Variants in METTL24 observed in about 807,000 individuals in gnomAD.
The protein encoded by METTL24 is probable methyltransferase-like protein 24.
In METTL24, 29 loss-of-function variants were observed where a neutral mutation model predicts 32.7. The observed-to-expected ratio is 0.89, with a 90% CI of 0.66 to 1.21. The LOEUF (loss-of-function observed/expected upper bound fraction) is 1.21, where lower values mean the gene tolerates loss of function less well. METTL24 is among the 50% of genes most tolerant of loss of function. The probability of loss-of-function intolerance (pLI) is 0.00; values close to 1 mark genes in which losing one functional copy is unlikely to be tolerated. For synonymous variants in METTL24, 163 were observed against 179.5 expected (o/e 0.91, Z 0.73); for missense variants, 439 against 468.1 (o/e 0.94, Z 0.57).
chr6:110,295,794 A>AAGGAAGGAAGGAAGGAAGG lies in METTL24; in HGVS notation c.786+3127_786+3128insCCTTCCTTCCTTCCTTCCT, dbSNP rs1771403129. Among the ~76,000 whole-genome samples the AAGGAAGGAAGGAAGGAAGG allele has an allele frequency of 6.2e-4, 84 of 136,316 alleles. 2 individuals carry two copies. The highest frequency in any genetic ancestry group is 2.2e-3 in the African/African-American group (72 of 33,274). 89.4% of individuals were successfully genotyped at this position (136,316 alleles called of 152,430 possible). On this transcript the variant is annotated intron_variant, in intron 4 of 4. Coordinates refer to ENST00000338882, the MANE Select transcript of METTL24 (RefSeq NM_001123364.3). Reference sequence around the variant, plus strand: ...TCCCCGGGAAAGAAAAGAAAGAAAGAAAGGAAGGAAGGAAGGAAGGAAGGA... The same window carrying AAGGAAGGAAGGAAGGAAGG: ...TCCCCGGGAAAGAAAAGAAAGAAAGAAGGAAGGAAGGAAGGAAGGAAGGAAGGAAGGAAGGAAGGAAGGA...
chr6:110,296,273 T>C (rs896047614), intron 4 of METTL24, among the ~76,000 whole-genome samples: 7 of 152,258 alleles, frequency 4.6e-5, no homozygotes, highest in Admixed American at 1.3e-4. Context: ...CTATACATTA[T>C]GATTAATATG....
rs768435270 is a variant in METTL24, at chr6:110,315,489, GA to G, written c.418-9del. 8.1e-6 allele frequency: 13 copies of G among 1,613,328 alleles called. No individual in the cohort carries two copies. Among genetic ancestry groups the G allele is most frequent in the Admixed American group, 5.0e-5 (3 of 59,882 alleles). ...CATGTGATTGCATGCAATCTGTAAA[GA>G]TTGGAAATCAATGTGAATAATTTGA... On this transcript the variant is annotated splice_polypyrimidine_tract_variant and intron_variant, in intron 2 of 4. Coordinates refer to ENST00000338882, the MANE Select transcript of METTL24 (RefSeq NM_001123364.3).
At chr6:110,287,632 T>C (rs940201112) in intron 4 of METTL24, among the ~76,000 whole-genome samples, 1 of 152,142 alleles carries the variant, frequency 6.6e-6, no homozygotes, top group African/African-American at 2.4e-5. Context: ...GGAGCTAAGG[T>C]CTCTGGACGT....
chr6:110,297,518 G>T (rs1320612960), intron 4 of METTL24, among the ~76,000 whole-genome samples: 1 of 152,128 alleles, frequency 6.6e-6, no homozygotes. Flanking sequence ...AGCAGGAACA[G>T]CAAGACTCCT....
chr6:110,339,762 C>A (rs1772315537), intron 1 of METTL24, among the ~76,000 whole-genome samples: 1 of 152,174 alleles, frequency 6.6e-6, no homozygotes, highest in Non-Finnish European at 1.5e-5. Context: ...ATATAACTGA[C>A]CAATTACTAC....
At chr6:110,343,666 T>C (rs1320236100) in intron 1 of METTL24, among the ~76,000 whole-genome samples, 1 of 152,110 alleles carries the variant, frequency 6.6e-6, no homozygotes, top group African/African-American at 2.4e-5. Flanking sequence ...GATGTGTAGA[T>C]AAGAGAATGC....
At chr6:110,289,780 G>A (rs1332566668) in intron 4 of METTL24, among the ~76,000 whole-genome samples, 2 of 152,176 alleles carry the variant, frequency 1.3e-5, no homozygotes, top group African/African-American at 4.8e-5. Flanking sequence ...TTCTTCCTCA[G>A]CCATCTAGTT....
chr6:110,263,657 C>A (rs1261457660), intron 4 of METTL24, among the ~76,000 whole-genome samples: 1 of 152,104 alleles, frequency 6.6e-6, no homozygotes, highest in Non-Finnish European at 1.5e-5. Flanking sequence ...GAGCCCGCAT[C>A]GCCAAGTCAA....
At chr6:110,309,334 G>A (rs779987079) in intron 3 of METTL24, among the ~76,000 whole-genome samples, 3 of 152,144 alleles carry the variant, frequency 2.0e-5, no homozygotes, top group Non-Finnish European at 2.9e-5. Flanking sequence ...AACTATTAGA[G>A]GGGGAGAAAT....
chr6:110,253,087 C>T (rs948056947), intron 4 of METTL24, among the ~76,000 whole-genome samples: 8 of 152,226 alleles, frequency 5.3e-5, no homozygotes, highest in African/African-American at 1.9e-4. Context: ...GATGCAGCTT[C>T]TACTTTGCTC....
rs773556796 is a variant in METTL24 at position 110,320,573 on chromosome 6, G to A, written c.417+2201C>T. ...ACCATTGTGAGGTCCGGAATTTTAC[G>A]TCATTCTTTCTGGAGGACAAAAATC... On this transcript the variant is annotated intron_variant, in intron 2 of 4. Coordinates refer to ENST00000338882, the MANE Select transcript of METTL24 (RefSeq NM_001123364.3). Among the ~76,000 whole-genome samples, 71 of 152,126 alleles carry A rather than the reference G, an allele frequency of 4.7e-4. 2 individuals are homozygous for A. Among genetic ancestry groups the A allele is most frequent in the East Asian group, 1.9e-4 (1 of 5,182 alleles).
At chr6:110,353,003 G>A (rs988569740) in intron 1 of METTL24, among the ~76,000 whole-genome samples, 1 of 152,206 alleles carries the variant, frequency 6.6e-6, no homozygotes, top group Non-Finnish European at 1.5e-5. Context: ...ACCAGTGGTT[G>A]AAAAACAATC....
chr6:110,250,379 CCT>C (rs1456251633), intron 4 of METTL24, among the ~76,000 whole-genome samples: 4 of 151,912 alleles, frequency 2.6e-5, no homozygotes, highest in Non-Finnish European at 5.9e-5. Flanking sequence ...GTCCAAATTT[CCT>C]CTTTTTATAA....
intron 1 of METTL24, among the ~76,000 whole-genome samples, chr6:110,335,881 TG>T (rs1772216909): frequency 6.6e-6 from 1 of 152,232 alleles, no homozygotes; most frequent in South Asian, 2.1e-4. Context: ...TCTAGGCTGC[TG>T]GTCCCATACT....
chr6:110,343,509 AGAGT>A lies in METTL24; in HGVS notation c.318+14442_318+14445del, dbSNP rs1342537204. Reference sequence around the variant, plus strand: ...ACTGCAGCCAATTCTGCCTTCTGCCAGAGTGGCATAATTCATGCCTAGGACAGGC... The same window carrying A: ...ACTGCAGCCAATTCTGCCTTCTGCCAGGCATAATTCATGCCTAGGACAGGC... On this transcript the variant is annotated intron_variant, in intron 1 of 4. Transcript: ENST00000338882. 4.6e-5 allele frequency among the ~76,000 whole-genome samples: 7 copies of A among 152,264 alleles called. No individual in the cohort carries two copies. The South Asian group carries it at 1.4e-3, about 31-fold the overall frequency.
intron 2 of METTL24, among the ~76,000 whole-genome samples, chr6:110,316,111 T>C (rs1771815038): frequency 6.6e-6 from 1 of 152,168 alleles, no homozygotes; most frequent in Non-Finnish European, 1.5e-5. Context: ...TAAGGCAGTG[T>C]TCCTTGTGAT....
chr6:110,303,700 G>A (rs1771578990), intron 3 of METTL24, among the ~76,000 whole-genome samples: 1 of 152,192 alleles, frequency 6.6e-6, no homozygotes, highest in African/African-American at 2.4e-5. Context: ...ATCTCCCTGG[G>A]TCAGAGCACC....
chr6:110,314,385 T>C (rs1259201314), intron 3 of METTL24, among the ~76,000 whole-genome samples: 1 of 152,188 alleles, frequency 6.6e-6, no homozygotes, highest in African/African-American at 2.4e-5. Flanking sequence ...ACTGTTTTTA[T>C]ATAAATACGG....
rs568195503 is a variant in METTL24, at chr6:110,330,152, C to T, written c.319-7280G>A. 2.1e-4 allele frequency among the ~76,000 whole-genome samples: 32 copies of T among 152,346 alleles called. No homozygotes were observed. In the South Asian group the frequency reaches 2.9e-3, roughly 14 times the overall value. On this transcript the variant is annotated intron_variant, in intron 1 of 4. Coordinates refer to ENST00000338882, the MANE Select transcript of METTL24 (RefSeq NM_001123364.3). ...ATGCTCAGGGATAGTAGAGGAAATC[C>T]TCACTTTTCCTCCTTTTTTTTCCTT...
Sources: gnomAD v4.1 joint callset for allele counts (sites outside exome capture counted in the v4.1 genomes callset) on GRCh38, gnomAD v4.1.1 for gene constraint, MANE v1.5 for transcripts, NCBI Gene and HGNC (gene_info 2026-07-23, HGNC 2026-07-21) for gene names.